Variants in ATE1 observed in about 807,000 individuals in gnomAD.
The protein encoded by ATE1 is arginyltransferase 1.
In ATE1, 36 loss-of-function variants were observed where a neutral mutation model predicts 70.5. The ratio of observed to expected loss-of-function variants is 0.51; its 90% CI spans 0.39 to 0.67. The LOEUF is 0.67. Ranked by LOEUF, ATE1 falls within the 30% of genes least tolerant of loss-of-function variation. The probability of loss-of-function intolerance (pLI) is 0.00; values close to 1 mark genes in which losing one functional copy is unlikely to be tolerated. For synonymous variants in ATE1, 232 were observed against 219.3 expected, an observed-to-expected ratio of 1.06 and a Z score of -0.51; for missense variants, 593 against 629.5, an observed-to-expected ratio of 0.94 and a Z score of 0.62.
intron 6 of ATE1, 141 bp downstream of exon 6, chr10:121,902,250 C>G (rs1234121139): frequency 1.3e-6 from 1 of 799,684 alleles, no homozygotes; most frequent in African/African-American, 1.8e-5. Context: ...GTTACTTCTT[C>G]CCAGTTCTCT....
chr10:121,855,890 C>T (rs1411767344), intron 8 of ATE1, among the ~76,000 whole-genome samples: 1 of 150,558 alleles, frequency 6.6e-6, no homozygotes, highest in Non-Finnish European at 1.5e-5. Context: ...GCCTGGCCAA[C>T]ATGGTGAAAC....
In ATE1 at chr10:121,910,924, G is replaced by C. The variant is rs1317612274; in HGVS notation, c.565C>G (p.His189Asp). The C allele has an allele frequency of 9.9e-6, 16 of 1,613,246 alleles. No individual in the cohort carries two copies. Among genetic ancestry groups the C allele is most frequent in the Non-Finnish European group, 1.4e-5 (16 of 1,179,880 alleles). Residue 189 changes from histidine (H) to aspartate (D), a missense_variant, in exon 5 of 12, where the codon CAC (histidine) becomes GAC (aspartate). His to Asp is a moderately conservative substitution (Grantham distance 81). Around this residue, in one of 3 missense-constraint regions of ATE1, gnomAD observed 467 missense variants for 469.6 expected, o/e 0.99. Transcript: ENST00000224652. Reference protein sequence around the residue: ...SGEPSHSVKVHTVPKPGKGAD... With the variant: ...SGEPSHSVKVDTVPKPGKGAD... Reference sequence around the variant, plus strand: ...TTACTACCTGGCTTAGGAACTGTGTGAACTTTAACTGAATGTGACGGTTCA... The same window carrying C: ...TTACTACCTGGCTTAGGAACTGTGTCAACTTTAACTGAATGTGACGGTTCA...
At chr10:121,927,665 C>G (rs1446315559) in intron 1 of ATE1, among the ~76,000 whole-genome samples, 179 bp downstream of exon 1, 4 of 152,198 alleles carry the variant, frequency 2.6e-5, no homozygotes, top group African/African-American at 7.2e-5. Context: ...TCCTGCAGAA[C>G]AGGCACCGCG....
chr10:121,757,786 A>C lies in ATE1; in HGVS notation c.1379-13928T>G, dbSNP rs540243562. Among the ~76,000 whole-genome samples the C allele has an allele frequency of 1.3e-4, 20 of 152,332 alleles. No homozygotes were observed. In the East Asian group the frequency reaches 3.5e-3, roughly 26 times the overall value. ...ATGTGAGAATTATGGGAGCTACAAG[A>C]TGACATTTGGGTGGGGACACAGAGC... On this transcript the variant is annotated intron_variant, in intron 11 of 11. Coordinates refer to ENST00000224652, the MANE Select transcript of ATE1 (RefSeq NM_001001976.3).
In ATE1 at chr10:121,841,242, GC is replaced by G. The variant is rs1170712924; in HGVS notation, c.996del (p.Pro333GlnfsTer23). 6.5e-7 allele frequency: 1 copy of G among 1,528,456 alleles called. No homozygotes were observed. Among genetic ancestry groups the G allele is most frequent in the South Asian group, 1.4e-5 (1 of 73,592 alleles). The allele number at this position is 1,528,456 out of a possible 1,614,324, so 94.7% of individuals were successfully genotyped here. A position where few individuals can be genotyped will look rare whatever the true frequency, so the allele number is the denominator to read the frequency against. On this transcript the variant is annotated frameshift_variant, in exon 9 of 12. Transcript: ENST00000224652. LOFTEE classifies it high-confidence loss of function. ...SPLEAETPPN[G>X]PDCGYGSFHQ... is the part of the protein sequence containing the mutation. ...TGAAAGGAGCCATAGCCACAATCTG[GC>G]CCATTAGGGGGAGTCTCTGCCTAAG...
At chr10:121,762,621 A>C (rs922823501) in intron 11 of ATE1, among the ~76,000 whole-genome samples, 1 of 152,040 alleles carries the variant, frequency 6.6e-6, no homozygotes, top group Non-Finnish European at 1.5e-5. Context: ...AAATGGTCCC[A>C]GTGTGAGTGA....
At chr10:121,759,016 T>C (rs1268368022) in intron 11 of ATE1, among the ~76,000 whole-genome samples, 1 of 152,086 alleles carries the variant, frequency 6.6e-6, no homozygotes, top group Non-Finnish European at 1.5e-5. Flanking sequence ...TTAAAAACCC[T>C]AAAAGGCCTC....
At chr10:121,898,818 C>T in intron 7 of ATE1, 1 of 1,611,196 alleles carries the variant, frequency 6.2e-7, no homozygotes, top group Non-Finnish European at 8.5e-7. Flanking sequence ...CTTATCAACA[C>T]AGAAAACAAC....
chr10:121,821,838 G>A (rs1486464217), intron 10 of ATE1, among the ~76,000 whole-genome samples: 14 of 152,118 alleles, frequency 9.2e-5, no homozygotes, highest in African/African-American at 3.1e-4. Flanking sequence ...CTGAGACTGC[G>A]CCACTGCACT....
chr10:121,900,376 C>T (rs185675449), intron 6 of ATE1, among the ~76,000 whole-genome samples: 6 of 152,232 alleles, frequency 3.9e-5, no homozygotes, highest in Admixed American at 6.5e-5. Context: ...AATATGAATA[C>T]ATTTTTTGGC....
chr10:121,848,675 C>T (rs1948936541), intron 8 of ATE1, among the ~76,000 whole-genome samples: 1 of 150,216 alleles, frequency 6.7e-6, no homozygotes, highest in African/African-American at 2.5e-5. Context: ...CTTTGGGAGT[C>T]CAAGGCGGGC....
chr10:121,807,944 G>C (rs1947162645), intron 10 of ATE1, among the ~76,000 whole-genome samples: 1 of 152,160 alleles, frequency 6.6e-6, no homozygotes, highest in Non-Finnish European at 1.5e-5. Context: ...TGCAGAGCCT[G>C]AAGTATTTAC....
chr10:121,769,848 G>A (rs554297745), intron 11 of ATE1, among the ~76,000 whole-genome samples: 1 of 152,292 alleles, frequency 6.6e-6, no homozygotes, highest in African/African-American at 2.4e-5. Context: ...AAAATAAAAG[G>A]AGTAACAAAA....
chr10:121,759,082 G>A (rs1944926845), intron 11 of ATE1, among the ~76,000 whole-genome samples: 1 of 152,192 alleles, frequency 6.6e-6, no homozygotes, highest in Non-Finnish European at 1.5e-5. Flanking sequence ...TAAACATGGT[G>A]ATGAAGGCAC....
chr10:121,812,021 T>C (rs1947342111), intron 10 of ATE1, among the ~76,000 whole-genome samples: 1 of 144,360 alleles, frequency 6.9e-6, no homozygotes, highest in Non-Finnish European at 1.5e-5. Context: ...GTGGGCACTA[T>C]CTCAGCCCAC....
intron 11 of ATE1, among the ~76,000 whole-genome samples, chr10:121,749,663 T>C (rs371275365): frequency 4.6e-5 from 7 of 152,338 alleles, no homozygotes; most frequent in African/African-American, 1.2e-4. Context: ...ATCAAAGTAA[T>C]GCCTGTTGTA....
chr10:121,858,394 AT>A (rs1347700974), intron 8 of ATE1, among the ~76,000 whole-genome samples: 7 of 151,780 alleles, frequency 4.6e-5, no homozygotes, highest in Non-Finnish European at 1.0e-4. Context: ...GTGATATCTC[AT>A]TTTGGTTTTG....
At chr10:121,924,163 T>G in intron 2 of ATE1, 103 bp downstream of exon 2, 2 of 1,064,240 alleles carry the variant, frequency 1.9e-6, no homozygotes, top group Admixed American at 4.4e-5. Context: ...TAATAAAAAT[T>G]TTTCTTAAAC....
rs114849094 is a variant in ATE1, at chr10:121,881,042, A to G, written c.943-11004T>C. ...CAACACTCTCACTCAGGAAATTAAG[A>G]GCAGCTTTTACTTATTATAGTAGAA... On this transcript the variant is annotated intron_variant, in intron 7 of 11. Coordinates refer to ENST00000224652, the MANE Select transcript of ATE1 (RefSeq NM_001001976.3). Among the ~76,000 whole-genome samples the G allele has an allele frequency of 7.8e-3, 1,192 of 152,336 alleles. 17 individuals are homozygous for G. Among genetic ancestry groups the G allele is most frequent in the African/African-American group, 0.028 (1,152 of 41,570 alleles).
Sources: gnomAD v4.1 joint callset for allele counts (sites outside exome capture counted in the v4.1 genomes callset) on GRCh38, gnomAD v4.1.1 for gene constraint, gnomAD v4.1.1 regional missense constraint, MANE v1.5 for transcripts, NCBI Gene and HGNC (gene_info 2026-07-23, HGNC 2026-07-21) for gene names.